FBXL4: variants seen among roughly 807,000 people sequenced by gnomAD.
FBXL4 encodes the protein F-box and leucine rich repeat protein 4.
FBXL4 carries 40 observed loss-of-function variants against 58.9 expected under a neutral mutation model. The observed-to-expected ratio is 0.68, with a 90% CI of 0.53 to 0.88. The LOEUF (loss-of-function observed/expected upper bound fraction) is 0.88, where lower values mean the gene tolerates loss of function less well. FBXL4 is among the 40% of genes least tolerant of loss of function. The pLI is 0.00. For missense variants in FBXL4, 676 were observed against 734.4 expected (o/e 0.92, Z 0.92); for synonymous variants, 263 against 265.5 (o/e 0.99, Z 0.09).
chr6:98,903,141 A>G (rs1485860580), intron 6 of FBXL4, among the ~76,000 whole-genome samples: 3 of 152,162 alleles, frequency 2.0e-5, no homozygotes, highest in African/African-American at 7.2e-5. Context: ...TTCTTCTTTA[A>G]AGTATTACAA....
chr6:98,930,714 C>G (rs1352815659), intron 2 of FBXL4, among the ~76,000 whole-genome samples: 1 of 152,126 alleles, frequency 6.6e-6, no homozygotes, highest in African/African-American at 2.4e-5. Context: ...TCACTGTACT[C>G]CAGCCTGGAC....
rs187432831 is a variant in FBXL4, at chr6:98,870,044, C to G, written c.*4234G>C. 5.9e-5 allele frequency: 9 copies of G among 152,270 alleles called. No individual in the cohort carries two copies. In the East Asian group the frequency reaches 1.5e-3, roughly 26 times the overall value. 9.4% of individuals were successfully genotyped at this position (152,270 alleles called of 1,614,324 possible). On this transcript the variant is annotated 3_prime_UTR_variant, in exon 10 of 10. Transcript: ENST00000369244. ...AAGCTAACAATGCATCACCTGGCTTCAAAATTTAACAAACAAAGAGTCTAC... is the reference window on the plus strand; with the variant it reads ...AAGCTAACAATGCATCACCTGGCTTGAAAATTTAACAAACAAAGAGTCTAC...
chr6:98,880,484 T>C, intron 8 of FBXL4, 69 bp downstream of exon 8: 1 of 1,279,518 alleles, frequency 7.8e-7, no homozygotes, highest in South Asian at 1.2e-5. Flanking sequence ...TGAGTCAGGA[T>C]ACATTTCACC....
chr6:98,944,551 A>T (rs1274238201), intron 1 of FBXL4, among the ~76,000 whole-genome samples: 4 of 152,218 alleles, frequency 2.6e-5, no homozygotes, highest in African/African-American at 9.6e-5. Context: ...TAATCATTTC[A>T]TCTTAGCAGG....
intron 5 of FBXL4, among the ~76,000 whole-genome samples, chr6:98,916,023 T>C (rs1772330563): frequency 6.6e-6 from 1 of 152,124 alleles, no homozygotes; most frequent in South Asian, 2.1e-4. Context: ...AACAGACACT[T>C]CTCAAAAGAA....
At chr6:98,921,799 A>G (rs1373625077) in intron 4 of FBXL4, among the ~76,000 whole-genome samples, 1 of 152,218 alleles carries the variant, frequency 6.6e-6, no homozygotes, top group African/African-American at 2.4e-5. Flanking sequence ...TGAACACTGA[A>G]AAAAAATTCC....
intron 4 of FBXL4, among the ~76,000 whole-genome samples, chr6:98,924,635 G>C (rs1379753311): frequency 6.6e-6 from 1 of 152,138 alleles, no homozygotes; most frequent in African/African-American, 2.4e-5. Flanking sequence ...AGGTATGCTG[G>C]CTTTCTGAGT....
chr6:98,918,953 T>TG, intron 4 of FBXL4, among the ~76,000 whole-genome samples: 1 of 152,026 alleles, frequency 6.6e-6, no homozygotes, highest in East Asian at 1.9e-4. Flanking sequence ...CATATGAGAT[T>TG]TTTTTCCACC....
At chr6:98,942,250 T>C (rs1051224420) in intron 1 of FBXL4, among the ~76,000 whole-genome samples, 1 of 151,868 alleles carries the variant, frequency 6.6e-6, no homozygotes, top group African/African-American at 2.4e-5. Flanking sequence ...GAAGACATAC[T>C]ATTCAAGTAA....
Position 98,899,448 on chromosome 6 carries a change from G to A in FBXL4, c.1137C>T (p.Arg379=), listed in dbSNP as rs895469467. 16 of 1,613,780 alleles carry A rather than the reference G, an allele frequency of 9.9e-6. No individual in the cohort carries two copies. The highest frequency in any genetic ancestry group is 2.2e-5 in the South Asian group (2 of 91,076). The part of the protein sequence containing the change: ...FLKVCGSELV[R]LELSCSHFLN... ...GAAAGTGGCTGCAAGACAATTCAAG[G>A]CGTACTAATTCGGATCCACAAACCT... Residue 379 remains arginine, a synonymous_variant, in exon 7 of 10, where the codon CGC becomes CGT. Coordinates refer to ENST00000369244, the MANE Select transcript of FBXL4 (RefSeq NM_001278716.2).
At chr6:98,923,360 C>CA (rs143084826) in intron 4 of FBXL4, among the ~76,000 whole-genome samples, 2,525 of 152,160 alleles carry the variant, frequency 0.017, 65 homozygotes, top group African/African-American at 0.058. Flanking sequence ...AAGCTGGATC[C>CA]AAAAAAATCT....
At chr6:98,936,193 C>T (rs1773211233) in intron 1 of FBXL4, among the ~76,000 whole-genome samples, 1 of 152,066 alleles carries the variant, frequency 6.6e-6, no homozygotes, top group Admixed American at 6.6e-5. Context: ...ATAAAATGTA[C>T]CCCACTTTAA....
chr6:98,922,270 A>C (rs1772613195), intron 4 of FBXL4, among the ~76,000 whole-genome samples: 2 of 152,256 alleles, frequency 1.3e-5, no homozygotes, highest in South Asian at 4.2e-4. Flanking sequence ...AAATGAGGAG[A>C]CTTTAAGATC....
chr6:98,885,361 A>C (rs1359891806), intron 7 of FBXL4, among the ~76,000 whole-genome samples: 3 of 152,184 alleles, frequency 2.0e-5, no homozygotes, highest in South Asian at 4.2e-4. Flanking sequence ...CGGCCTCCTA[A>C]AGTGCTGAAA....
chr6:98,890,277 T>A (rs749545464), intron 7 of FBXL4, among the ~76,000 whole-genome samples: 4 of 152,130 alleles, frequency 2.6e-5, no homozygotes, highest in Non-Finnish European at 5.9e-5. Context: ...CTAGAAAGCA[T>A]ATTAATAAGG....
At chr6:98,909,107 C>G (rs190016675) in intron 5 of FBXL4, among the ~76,000 whole-genome samples, 1 of 152,312 alleles carries the variant, frequency 6.6e-6, no homozygotes, top group Non-Finnish European at 1.5e-5. Context: ...TTTTCCTACT[C>G]TAGGGCATGT....
intron 4 of FBXL4, among the ~76,000 whole-genome samples, chr6:98,925,841 G>C (rs935553081): frequency 6.6e-6 from 1 of 152,156 alleles, no homozygotes; most frequent in Non-Finnish European, 1.5e-5. Flanking sequence ...TGGTTTCTTC[G>C]AGGGAGGAAT....
chr6:98,924,876 C>G (rs1772716089), intron 4 of FBXL4, among the ~76,000 whole-genome samples: 1 of 152,172 alleles, frequency 6.6e-6, no homozygotes. Flanking sequence ...CTGGCCATCC[C>G]TACAGTTGAA....
At chr6:98,914,076 T>G (rs976238104) in intron 5 of FBXL4, among the ~76,000 whole-genome samples, 1 of 152,138 alleles carries the variant, frequency 6.6e-6, no homozygotes, top group African/African-American at 2.4e-5. Context: ...AAGAAATGGA[T>G]AAATTCCTCG....
Sources: allele counts gnomAD v4.1 joint callset (sites outside exome capture counted in the v4.1 genomes callset), GRCh38; gene constraint gnomAD v4.1.1; transcripts MANE v1.5; gene names NCBI Gene and HGNC (gene_info 2026-07-23, HGNC 2026-07-21).